FAM120A: variants seen among roughly 807,000 people sequenced by gnomAD.
FAM120A encodes constitutive coactivator of PPAR-gamma-like protein 1.
A neutral mutation model predicts 109.7 loss-of-function variants in FAM120A; 15 were observed. The observed-to-expected ratio is 0.14, with a 90% CI of 0.09 to 0.21. FAM120A has a LOEUF of 0.21. Among genes scored for constraint, FAM120A ranks in the 10% least tolerant of loss-of-function variants. The pLI is 1.00. For synonymous variants in FAM120A, 493 were observed against 572.8 expected (o/e 0.86, Z 1.99); for missense variants, 899 against 1,439.3 (o/e 0.62, Z 6.07).
intron 12 of FAM120A, among the ~76,000 whole-genome samples, chr9:93,554,538 T>C (rs1862224272): frequency 6.6e-6 from 1 of 152,056 alleles, no homozygotes; most frequent in African/African-American, 2.4e-5. Flanking sequence ...CCAGGCATGG[T>C]GGCGCACGTC....
At position 93,459,437 on chromosome 9, in the gene FAM120A, C is replaced by G. The variant is rs182591988; in HGVS notation, c.474+7048C>G. On this transcript the variant is annotated intron_variant, in intron 1 of 17. Transcript: ENST00000277165. ...TTTGTTTTTTTAATCTTAAATTTCT[C>G]ATACTCTCTTTTCTGACTGGTTCCC... 4.9e-3 allele frequency among the ~76,000 whole-genome samples: 747 copies of G among 152,262 alleles called. 8 individuals are homozygous for G. The highest frequency in any genetic ancestry group is 0.017 in the African/African-American group (714 of 41,542).
chr9:93,562,427 A>G, intron 17 of FAM120A, 123 bp downstream of exon 17: 1 of 700,914 alleles, frequency 1.4e-6, no homozygotes, highest in Non-Finnish European at 2.5e-6. Flanking sequence ...TTAGCTGTCA[A>G]GTGTCTAACA....
chr9:93,473,170 C>T (rs1288052053), intron 2 of FAM120A, among the ~76,000 whole-genome samples: 1 of 151,874 alleles, frequency 6.6e-6, no homozygotes, highest in African/African-American at 2.4e-5. Context: ...GCGCCCACCA[C>T]CACGCCCGGT....
intron 1 of FAM120A, among the ~76,000 whole-genome samples, chr9:93,470,650 G>A (rs557827024): frequency 1.3e-5 from 2 of 152,170 alleles, no homozygotes; most frequent in Non-Finnish European, 2.9e-5. Context: ...CAGGTAGGCC[G>A]AGGGATCATA....
At chr9:93,533,096 T>C (rs1310382090) in intron 10 of FAM120A, among the ~76,000 whole-genome samples, 1 of 152,218 alleles carries the variant, frequency 6.6e-6, no homozygotes, top group Non-Finnish European at 1.5e-5. Context: ...CAGAAAAGAA[T>C]CCTCAAACAT....
intron 2 of FAM120A, among the ~76,000 whole-genome samples, chr9:93,475,483 T>G (rs1386859323): frequency 1.3e-5 from 2 of 152,218 alleles, no homozygotes; most frequent in Admixed American, 1.3e-4. Flanking sequence ...GGTGATTAAG[T>G]AATGTTATAA....
chr9:93,498,892 T>C lies in FAM120A; in HGVS notation c.1030+6T>C. 6.7e-7 allele frequency: 1 copy of C among 1,499,520 alleles called. No individual in the cohort carries two copies. Among genetic ancestry groups the C allele is most frequent in the Non-Finnish European group, 9.3e-7 (1 of 1,075,520 alleles). The allele number at this position is 1,499,520 out of a possible 1,614,324, so 92.9% of individuals were successfully genotyped here. ...TCATCCACCACATTACTTAGGTAAGTAAATAAAAGCCTGTGATCAATATTG... is the reference window on the plus strand; with the variant it reads ...TCATCCACCACATTACTTAGGTAAGCAAATAAAAGCCTGTGATCAATATTG... On this transcript the variant is annotated splice_donor_region_variant and intron_variant, in intron 5 of 17. Transcript: ENST00000277165. This position sits in a 1 kb window ranked among gnomAD's most constrained non-coding sequence, Gnocchi z 4.4.
chr9:93,488,572 C>T (rs1472594111), intron 3 of FAM120A, among the ~76,000 whole-genome samples: 1 of 152,112 alleles, frequency 6.6e-6, no homozygotes, highest in Non-Finnish European at 1.5e-5. Flanking sequence ...TCACTGAGCT[C>T]TCCGCCCAGT....
At chr9:93,529,728 G>T (rs554144840) in intron 9 of FAM120A, 148 bp downstream of exon 9, 180 of 722,096 alleles carry the variant, frequency 2.5e-4, no homozygotes, top group Non-Finnish European at 3.5e-4. Flanking sequence ...TCTAAACATT[G>T]AATGAAAGAT....
At chr9:93,492,618 C>T (rs2131332715) in intron 3 of FAM120A, among the ~76,000 whole-genome samples, 1 of 152,232 alleles carries the variant, frequency 6.6e-6, no homozygotes, top group African/African-American at 2.4e-5. Flanking sequence ...AGGAGCCATC[C>T]AGGAGGGAAG....
intron 14 of FAM120A, 103 bp downstream of exon 14, chr9:93,558,113 C>T (rs1862355665): frequency 8.1e-7 from 1 of 1,235,810 alleles, no homozygotes. Flanking sequence ...GACCTTGTCA[C>T]TGTTGGTCTT....
In FAM120A at chr9:93,452,864, CA is replaced by C. The variant is rs1857334854; in HGVS notation, c.474+478del. ...GTTTCGCCAGAGCCCTTGGGGGCTG[CA>C]AATATCAGTGCTGCTGCCGCCGCCC... On this transcript the variant is annotated intron_variant, in intron 1 of 17. Coordinates refer to ENST00000277165, the MANE Select transcript of FAM120A (RefSeq NM_014612.5). The surrounding 1 kb of genome is among the most constrained non-coding windows in gnomAD (Gnocchi z 7.0). 4.7e-6 allele frequency: 7 copies of C among 1,474,184 alleles called. No homozygotes were observed. Among genetic ancestry groups the C allele is most frequent in the Non-Finnish European group, 6.2e-6 (7 of 1,121,546 alleles). The allele number at this position is 1,474,184 out of a possible 1,614,324, so 91.3% of individuals were successfully genotyped here.
At chr9:93,554,636 G>A (rs1862228691) in intron 12 of FAM120A, among the ~76,000 whole-genome samples, 1 of 152,020 alleles carries the variant, frequency 6.6e-6, no homozygotes, top group African/African-American at 2.4e-5. Context: ...TTGCACCATT[G>A]CACTCCAGCG....
chr9:93,543,282 A>G lies in FAM120A; in HGVS notation c.1970A>G (p.Glu657Gly), dbSNP rs749377814. The G allele has an allele frequency of 9.9e-6, 16 of 1,614,060 alleles. No individual in the cohort carries two copies. The highest frequency in any genetic ancestry group is 1.4e-5 in the Non-Finnish European group (16 of 1,180,042). The change falls in exon 11 of 18, where the codon GAA (glutamate) becomes GGA (glycine). Residue 657 changes from glutamate to glycine, a missense_variant. Glu to Gly is a moderately conservative substitution (Grantham distance 98). Transcript: ENST00000277165. ...AAAGGAAAGTCTCCTCAAACCCCGGAACTGGTTGAAGCTCTTGCCTTCAGG... is the reference window on the plus strand; with the variant it reads ...AAAGGAAAGTCTCCTCAAACCCCGGGACTGGTTGAAGCTCTTGCCTTCAGG... ...AYKGKSPQTP[E>G]LVEALAFREW...
intron 3 of FAM120A, among the ~76,000 whole-genome samples, chr9:93,479,462 A>G (rs1231044127): frequency 6.6e-6 from 1 of 152,206 alleles, no homozygotes; most frequent in Non-Finnish European, 1.5e-5. Context: ...TTGGCAAAAT[A>G]GTACAAATAT....
intron 8 of FAM120A, among the ~76,000 whole-genome samples, chr9:93,528,572 C>T (rs1861185227): frequency 6.6e-6 from 1 of 152,192 alleles, no homozygotes; most frequent in Admixed American, 6.5e-5. Context: ...GGACCAGACT[C>T]TTTCCTGTGT....
intron 11 of FAM120A, among the ~76,000 whole-genome samples, chr9:93,546,718 G>A (rs900857690): frequency 4.6e-5 from 7 of 152,242 alleles, no homozygotes; most frequent in Non-Finnish European, 7.3e-5. Flanking sequence ...TGAGATGGCT[G>A]TCGGCAAGAC....
chr9:93,515,348 CCCA>C (rs1860521536), intron 5 of FAM120A, among the ~76,000 whole-genome samples: 1 of 152,238 alleles, frequency 6.6e-6, no homozygotes, highest in Admixed American at 6.5e-5. Flanking sequence ...ACAGAGAATC[CCCA>C]CCAAGTTGCA....
intron 3 of FAM120A, among the ~76,000 whole-genome samples, chr9:93,482,740 CAGTGGGCCAGTCTAGT>C (rs1858875691): frequency 6.6e-6 from 1 of 152,108 alleles, no homozygotes; most frequent in South Asian, 2.1e-4. Flanking sequence ...GCAGACCCCA[CAGTGGGCCAGTCTAGT>C]AGACTGGCCC....
Sources: gnomAD v4.1 joint callset for allele counts (sites outside exome capture counted in the v4.1 genomes callset) on GRCh38, gnomAD v4.1.1 for gene constraint, Gnocchi (gnomAD v3.1) non-coding constraint, MANE v1.5 for transcripts, NCBI Gene and HGNC (gene_info 2026-07-23, HGNC 2026-07-21) for gene names.